SYT1: variants seen among roughly 807,000 people sequenced by gnomAD.
The protein encoded by SYT1 is synaptotagmin-1.
SYT1 carries 8 observed loss-of-function variants against 44.8 expected under a neutral mutation model. The ratio of observed to expected loss-of-function variants is 0.18; its 90% CI spans 0.10 to 0.32. SYT1 has a LOEUF of 0.32. SYT1 is among the 10% of genes least tolerant of loss of function. The probability of loss-of-function intolerance (pLI) is 1.00; values close to 1 mark genes in which losing one functional copy is unlikely to be tolerated. For synonymous variants in SYT1, 154 were observed against 188.8 expected, an observed-to-expected ratio of 0.82 and a Z score of 1.51; for missense variants, 286 against 509.3, an observed-to-expected ratio of 0.56 and a Z score of 4.22.
At chr12:79,188,885 G>A (rs906479624) in intron 3 of SYT1, among the ~76,000 whole-genome samples, 16 of 152,058 alleles carry the variant, frequency 1.1e-4, no homozygotes, top group African/African-American at 3.1e-4. Flanking sequence ...CCTTGAAAAT[G>A]CATAGAAGAA....
chr12:78,988,121 C>G (rs1437523061), intron 2 of SYT1, among the ~76,000 whole-genome samples: 1 of 151,934 alleles, frequency 6.6e-6, no homozygotes, highest in Admixed American at 6.6e-5. Context: ...AATTCACTCA[C>G]TGAACAAATT....
intron 1 of SYT1, among the ~76,000 whole-genome samples, chr12:78,899,844 T>C (rs1044990500): frequency 6.6e-5 from 10 of 152,068 alleles, no homozygotes; most frequent in Non-Finnish European, 1.5e-4. Flanking sequence ...GCTAGATTAT[T>C]TTATAGGTAA....
At chr12:78,914,448 T>C (rs1876527532) in intron 1 of SYT1, among the ~76,000 whole-genome samples, 1 of 147,882 alleles carries the variant, frequency 6.8e-6, no homozygotes, top group African/African-American at 2.5e-5. Flanking sequence ...AGCAGTTTAA[T>C]GCATTAAGCC....
intron 3 of SYT1, among the ~76,000 whole-genome samples, chr12:79,165,954 G>C: frequency 6.6e-6 from 1 of 151,816 alleles, no homozygotes; most frequent in Middle Eastern, 3.2e-3. Context: ...TTGACTACCT[G>C]CCTTATTGCA....
intron 2 of SYT1, among the ~76,000 whole-genome samples, chr12:79,013,872 A>T (rs1871593373): frequency 6.6e-6 from 1 of 152,148 alleles, no homozygotes; most frequent in South Asian, 2.1e-4. Context: ...TCACGCCTGT[A>T]ATCCCAGCAC....
chr12:79,294,953 C>T (rs1393499120), intron 6 of SYT1, among the ~76,000 whole-genome samples: 1 of 151,444 alleles, frequency 6.6e-6, no homozygotes, highest in Admixed American at 6.6e-5. Context: ...GGTTATTGGG[C>T]CATGTTAAAA....
intron 3 of SYT1, among the ~76,000 whole-genome samples, chr12:79,145,433 T>G (rs1869818358): frequency 6.6e-6 from 1 of 152,128 alleles, no homozygotes; most frequent in Non-Finnish European, 1.5e-5. Flanking sequence ...TTTTATCTGA[T>G]TCTTTCTATG....
intron 8 of SYT1, among the ~76,000 whole-genome samples, chr12:79,342,242 G>A (rs567892965): frequency 6.6e-6 from 1 of 151,786 alleles, no homozygotes; most frequent in South Asian, 2.1e-4. Context: ...TTGATGTTTT[G>A]TTTTTTAGAG....
At chr12:79,110,110 CCTATTGACTT>C (rs1464905275) in intron 3 of SYT1, among the ~76,000 whole-genome samples, 1 of 152,120 alleles carries the variant, frequency 6.6e-6, no homozygotes, top group Non-Finnish European at 1.5e-5. Context: ...CATATTGTCT[CCTATTGACTT>C]CTACTCCATT....
chr12:78,969,770 T>A (rs1324275926), intron 1 of SYT1, among the ~76,000 whole-genome samples: 1 of 152,060 alleles, frequency 6.6e-6, no homozygotes, highest in Non-Finnish European at 1.5e-5. Flanking sequence ...CACTGAAGAT[T>A]TTAAATGGGG....
chr12:79,387,768 ATTTC>A (rs1221992437), intron 9 of SYT1, among the ~76,000 whole-genome samples: 1 of 152,174 alleles, frequency 6.6e-6, no homozygotes, highest in Non-Finnish European at 1.5e-5. Context: ...ACCAATTAAG[ATTTC>A]TTTAACTTGT....
chr12:79,174,577 A>G (rs1389154921), intron 3 of SYT1, among the ~76,000 whole-genome samples: 6 of 151,964 alleles, frequency 3.9e-5, no homozygotes, highest in Non-Finnish European at 8.8e-5. Flanking sequence ...GCCAGAGTAT[A>G]TATGTGGCCT....
intron 2 of SYT1, among the ~76,000 whole-genome samples, chr12:79,000,794 G>A (rs1870691170): frequency 1.3e-5 from 2 of 152,134 alleles, no homozygotes; most frequent in South Asian, 2.1e-4. Context: ...TTTTCATCAC[G>A]ATTTAATGAA....
Position 79,402,757 on chromosome 12 carries a change from T to C in SYT1, c.929-41316T>C, listed in dbSNP as rs1298521476. On this transcript the variant is annotated intron_variant, in intron 9 of 10. Coordinates refer to ENST00000261205, the MANE Select transcript of SYT1 (RefSeq NM_005639.3). ...TAGAAATAGGGATAATAAGACACCA[T>C]ATCCATCCATACTGACATATTTGCA... Among the ~76,000 whole-genome samples, 6 of 152,222 alleles carry C rather than the reference T, an allele frequency of 3.9e-5. No homozygotes were observed. In the East Asian group the frequency reaches 1.2e-3, roughly 29 times the overall value.
intron 1 of SYT1, among the ~76,000 whole-genome samples, chr12:78,865,777 A>T (rs1036426365): frequency 3.3e-5 from 5 of 151,958 alleles, no homozygotes. Context: ...CGACAATCCA[A>T]CCCACTTTCA....
At chr12:79,263,270 AT>A (rs34435501) in intron 4 of SYT1, among the ~76,000 whole-genome samples, 36,837 of 139,780 alleles carry the variant, frequency 0.26, 4,773 homozygotes, top group East Asian at 0.45. Flanking sequence ...TCTTCTGGTG[AT>A]TTTTTTTTTT....
chr12:79,224,413 T>C (rs181490895), intron 4 of SYT1, among the ~76,000 whole-genome samples: 7 of 152,126 alleles, frequency 4.6e-5, no homozygotes, highest in Admixed American at 1.3e-4. Context: ...AAAAGGTTGT[T>C]ATTTTGGGGA....
At chr12:79,405,413 A>T (rs1045440138) in intron 9 of SYT1, among the ~76,000 whole-genome samples, 1 of 152,206 alleles carries the variant, frequency 6.6e-6, no homozygotes, top group Non-Finnish European at 1.5e-5. Flanking sequence ...TGATTAATTT[A>T]TCTAGAATTT....
chr12:79,001,281 C>T (rs1592649381), intron 2 of SYT1, among the ~76,000 whole-genome samples: 1 of 150,702 alleles, frequency 6.6e-6, no homozygotes, highest in African/African-American at 2.4e-5. Context: ...AAGCCCCTAT[C>T]CTTCTAATGA....
Sources: allele counts gnomAD v4.1 joint callset (sites outside exome capture counted in the v4.1 genomes callset), GRCh38; gene constraint gnomAD v4.1.1; transcripts MANE v1.5; gene names NCBI Gene and HGNC (gene_info 2026-07-23, HGNC 2026-07-21).